TENM3: variants seen among roughly 807,000 people sequenced by gnomAD.
The protein encoded by TENM3 is teneurin transmembrane protein 3.
TENM3 carries 63 observed loss-of-function variants against 255.1 expected under a neutral mutation model. The ratio of observed to expected loss-of-function variants is 0.25; its 90% CI spans 0.20 to 0.30. TENM3 has a LOEUF of 0.30. Ranked by LOEUF, TENM3 falls within the 10% of genes least tolerant of loss-of-function variation. The probability of loss-of-function intolerance (pLI) is 1.00; values close to 1 mark genes in which losing one functional copy is unlikely to be tolerated. For synonymous variants in TENM3, 1,306 were observed against 1,322.3 expected, an observed-to-expected ratio of 0.99 and a Z score of 0.27; for missense variants, 2,929 against 3,461.1, an observed-to-expected ratio of 0.85 and a Z score of 3.86.
the TENM3 span, among the ~76,000 whole-genome samples, chr4:181,602,413 A>G: frequency 1.6e-4 from 24 of 152,274 alleles, no homozygotes; most frequent in Admixed American, 1.5e-3. Context: ...TTTTTCTTGC[A>G]TCGTAGTTAG....
At chr4:182,034,164 A>G in the TENM3 span, among the ~76,000 whole-genome samples, 1 of 152,154 alleles carries the variant, frequency 6.6e-6, no homozygotes, top group East Asian at 1.9e-4. Context: ...GAGACTTACT[A>G]CGACAAGAAC....
At chr4:182,383,550 G>C (rs1561389211) in intron 3 of TENM3, among the ~76,000 whole-genome samples, 1 of 151,944 alleles carries the variant, frequency 6.6e-6, no homozygotes, top group Non-Finnish European at 1.5e-5. Context: ...TTAAGGTTTG[G>C]GCTTCTATTG....
At chr4:181,505,961 A>G in the TENM3 span, among the ~76,000 whole-genome samples, 1 of 152,278 alleles carries the variant, frequency 6.6e-6, no homozygotes, top group South Asian at 2.1e-4. Context: ...TCAAATGCTT[A>G]TTTAATAGGT....
chr4:182,208,282 C>T (rs767275427), intron 1 of TENM3, among the ~76,000 whole-genome samples: 38 of 152,144 alleles, frequency 2.5e-4, no homozygotes, highest in Admixed American at 1.2e-3. Flanking sequence ...TACCTTAACA[C>T]GTCAGTTTCT....
chr4:182,042,777 TAAC>T, the TENM3 span, among the ~76,000 whole-genome samples: 1 of 152,178 alleles, frequency 6.6e-6, no homozygotes, highest in South Asian at 2.1e-4. Context: ...GCATACATCT[TAAC>T]AGTCTATGAC....
chr4:181,781,385 T>C, the TENM3 span, among the ~76,000 whole-genome samples: 10 of 152,228 alleles, frequency 6.6e-5, no homozygotes, highest in African/African-American at 2.2e-4. Context: ...TTTGAAACAA[T>C]TGTGAATGGG....
the TENM3 span, among the ~76,000 whole-genome samples, chr4:182,017,060 C>T: frequency 2.0e-5 from 3 of 152,328 alleles, no homozygotes; most frequent in East Asian, 5.8e-4. Context: ...ATAGACAAGA[C>T]CACAGGCAAA....
chr4:182,385,133 T>C (rs1767823597), intron 3 of TENM3, among the ~76,000 whole-genome samples: 1 of 152,132 alleles, frequency 6.6e-6, no homozygotes, highest in South Asian at 2.1e-4. Flanking sequence ...AAAATCCTTC[T>C]GCTTGTCCAG....
chr4:182,245,444 A>T (rs937569403), intron 1 of TENM3, among the ~76,000 whole-genome samples: 5 of 152,300 alleles, frequency 3.3e-5, no homozygotes, highest in African/African-American at 1.2e-4. Context: ...AGAAATTCCA[A>T]TTGAGATTGC....
intron 4 of TENM3, among the ~76,000 whole-genome samples, chr4:182,618,114 T>C (rs72701996): frequency 0.21 from 31,248 of 152,230 alleles, 3,730 homozygotes; most frequent in Non-Finnish European, 0.27. Flanking sequence ...TAACTGCTTA[T>C]GAAGTTAATC....
the TENM3 span, among the ~76,000 whole-genome samples, chr4:181,656,226 C>G: frequency 6.6e-6 from 1 of 152,102 alleles, no homozygotes; most frequent in African/African-American, 2.4e-5. Context: ...GGAAATGGAG[C>G]CCCAGGCCAA....
the TENM3 span, among the ~76,000 whole-genome samples, chr4:181,907,013 T>C: frequency 1.3e-5 from 2 of 152,046 alleles, no homozygotes; most frequent in Non-Finnish European, 2.9e-5. Flanking sequence ...CCAGTAGCTG[T>C]GATTACAGGC....
chr4:182,531,269 GA>G (rs1207066675), intron 3 of TENM3, among the ~76,000 whole-genome samples: 1 of 152,138 alleles, frequency 6.6e-6, no homozygotes, highest in Non-Finnish European at 1.5e-5. Flanking sequence ...TTTTAGCTGT[GA>G]AAAAATTAGG....
the TENM3 span, among the ~76,000 whole-genome samples, chr4:181,782,351 G>A: frequency 6.6e-6 from 1 of 152,132 alleles, no homozygotes; most frequent in Non-Finnish European, 1.5e-5. Flanking sequence ...AGTCTTGGGA[G>A]GGTGTATGTG....
chr4:181,558,281 A>G, the TENM3 span, among the ~76,000 whole-genome samples: 1 of 152,218 alleles, frequency 6.6e-6, no homozygotes, highest in African/African-American at 2.4e-5. Context: ...ACAAAAATAT[A>G]GATTTGAACT....
intron 3 of TENM3, among the ~76,000 whole-genome samples, chr4:182,448,472 T>G (rs1468413253): frequency 1.3e-5 from 2 of 151,976 alleles, no homozygotes; most frequent in African/African-American, 4.8e-5. Context: ...GGCGTGTGGG[T>G]GAAGGCGACA....
At chr4:181,880,648 A>G in the TENM3 span, among the ~76,000 whole-genome samples, 1 of 152,228 alleles carries the variant, frequency 6.6e-6, no homozygotes, top group African/African-American at 2.4e-5. Context: ...CAACAACTAC[A>G]ATAGTCCATG....
At chr4:181,492,644 G>A in the TENM3 span, among the ~76,000 whole-genome samples, 37 of 152,170 alleles carry the variant, frequency 2.4e-4, no homozygotes, top group East Asian at 1.5e-3. Context: ...ACAATTAGAC[G>A]TAGATTCTAT....
the TENM3 span, among the ~76,000 whole-genome samples, chr4:181,634,410 G>T: frequency 8.1e-6 from 1 of 123,392 alleles, no homozygotes; most frequent in Non-Finnish European, 1.7e-5. Context: ...TTTTGCAAGA[G>T]ACTTTATTTC....
Sources: gnomAD v4.1 joint callset for allele counts (sites outside exome capture counted in the v4.1 genomes callset) on GRCh38, gnomAD v4.1.1 for gene constraint, MANE v1.5 for transcripts, NCBI Gene and HGNC (gene_info 2026-07-23, HGNC 2026-07-21) for gene names.